FLT3: variants seen among roughly 807,000 people sequenced by gnomAD.
The protein encoded by FLT3 is fms related receptor tyrosine kinase 3.
FLT3 carries 46 observed loss-of-function variants against 126.6 expected under a neutral mutation model. That is an observed-to-expected ratio of 0.36 (90% confidence interval 0.29 to 0.46). FLT3 has a LOEUF of 0.46. FLT3 is among the 20% of genes least tolerant of loss of function. The pLI is 1.00. For synonymous variants in FLT3, 404 were observed against 434.4 expected (o/e 0.93, Z 0.87); for missense variants, 1,069 against 1,190.3 (o/e 0.90, Z 1.50).
At chr13:28,088,419 C>G (rs1340641625) in intron 1 of FLT3, among the ~76,000 whole-genome samples, 1 of 151,948 alleles carries the variant, frequency 6.6e-6, no homozygotes, top group Non-Finnish European at 1.5e-5. Context: ...TCCCAAGTAG[C>G]TGGAATTACA....
At chr13:28,084,037 A>T (rs1342432474) in intron 1 of FLT3, among the ~76,000 whole-genome samples, 5 of 150,676 alleles carry the variant, frequency 3.3e-5, no homozygotes, top group African/African-American at 4.9e-5. Context: ...TCTTTTTTTT[A>T]AAAGAAATGG....
intron 10 of FLT3, among the ~76,000 whole-genome samples, chr13:28,036,899 C>A (rs1222991175): frequency 2.0e-5 from 3 of 152,146 alleles, no homozygotes; most frequent in African/African-American, 7.2e-5. Context: ...TCACTTGAGC[C>A]CAGGAGTTTG....
At chr13:28,021,811 T>C (rs551522501) in intron 19 of FLT3, among the ~76,000 whole-genome samples, 1 of 151,834 alleles carries the variant, frequency 6.6e-6, no homozygotes, top group South Asian at 2.1e-4. Flanking sequence ...GGCGCCATCT[T>C]GGCTCACTGC....
chr13:28,032,833 A>G (rs535742379), intron 15 of FLT3, among the ~76,000 whole-genome samples: 3 of 152,356 alleles, frequency 2.0e-5, no homozygotes, highest in African/African-American at 4.8e-5. Flanking sequence ...TTCATGCTGA[A>G]CAATCAAGTA....
Position 28,028,293 on chromosome 13 carries a change from CAAAG to C in FLT3, c.1943-9_1943-6del. 2 of 1,448,044 alleles carry C rather than the reference CAAAG, an allele frequency of 1.4e-6. No individual in the cohort carries two copies. The highest frequency in any genetic ancestry group is 1.9e-6 in the Non-Finnish European group (2 of 1,029,932). 89.7% of individuals were successfully genotyped at this position (1,448,044 alleles called of 1,614,324 possible). A position where few individuals can be genotyped will look rare whatever the true frequency, so the allele number is the denominator to read the frequency against. On this transcript the variant is annotated splice_region_variant and splice_polypyrimidine_tract_variant and intron_variant, in intron 15 of 23. Coordinates refer to ENST00000241453, the MANE Select transcript of FLT3 (RefSeq NM_004119.3). ...TTTCAGAGCTGTCTGCTTTTTCTGT[CAAAG>C]AAAGGAGCATTAAAAATGTAAAACT...
At chr13:28,040,248 G>A (rs1179701351) in intron 9 of FLT3, among the ~76,000 whole-genome samples, 9 of 152,162 alleles carry the variant, frequency 5.9e-5, no homozygotes, top group Non-Finnish European at 1.0e-4. Flanking sequence ...TTCTGTGATA[G>A]GAGAAGTAAA....
At chr13:28,092,517 C>T (rs1295654798) in intron 1 of FLT3, among the ~76,000 whole-genome samples, 1 of 152,076 alleles carries the variant, frequency 6.6e-6, no homozygotes, top group African/African-American at 2.4e-5. Flanking sequence ...CAGGTGCACA[C>T]CACCATGCTC....
chr13:28,055,784 TAAAAGGAGAGAA>T (rs2137750886), intron 4 of FLT3, among the ~76,000 whole-genome samples: 1 of 152,188 alleles, frequency 6.6e-6, no homozygotes, highest in African/African-American at 2.4e-5. Context: ...AAGAAAATTT[TAAAAGGAGAGAA>T]AAAAGGAGAA....
chr13:28,018,968 CTT>C (rs371765349), intron 19 of FLT3, among the ~76,000 whole-genome samples: 11,536 of 138,410 alleles, frequency 0.083, 1,189 homozygotes, highest in African/African-American at 0.25. Context: ...CATCTCTTTT[CTT>C]TTTTTTTTTT....
intron 1 of FLT3, among the ~76,000 whole-genome samples, chr13:28,077,293 G>A (rs1042756457): frequency 1.3e-5 from 2 of 151,434 alleles, no homozygotes; most frequent in African/African-American, 2.4e-5. Flanking sequence ...CCAAGACTGG[G>A]AAGAAAAAGA....
intron 4 of FLT3, 117 bp downstream of exon 4, chr13:28,057,230 G>A (rs1876094210): frequency 1.6e-5 from 11 of 669,950 alleles, no homozygotes; most frequent in Non-Finnish European, 2.7e-5. Flanking sequence ...ATCCAACTAC[G>A]TATCAAGGGA....
At chr13:28,012,822 A>T (rs1294561437) in intron 23 of FLT3, among the ~76,000 whole-genome samples, 1 of 152,064 alleles carries the variant, frequency 6.6e-6, no homozygotes, top group Non-Finnish European at 1.5e-5. Flanking sequence ...CTGTGGTCCC[A>T]GCTACTTGGG....
At chr13:28,044,695 A>G (rs1874703122) in intron 9 of FLT3, among the ~76,000 whole-genome samples, 1 of 152,150 alleles carries the variant, frequency 6.6e-6, no homozygotes, top group Non-Finnish European at 1.5e-5. Context: ...CACCTGGTAC[A>G]TTATCAGTAC....
intron 1 of FLT3, among the ~76,000 whole-genome samples, chr13:28,075,429 T>C (rs1877860768): frequency 6.6e-6 from 1 of 151,970 alleles, no homozygotes. Context: ...CAATAAAAAA[T>C]AGATGCATCA....
intron 1 of FLT3, among the ~76,000 whole-genome samples, chr13:28,074,100 G>T (rs1034631713): frequency 6.6e-6 from 1 of 152,050 alleles, no homozygotes. Flanking sequence ...TCTATTTTCT[G>T]TAATTATAGA....
At chr13:28,023,225 C>A in intron 19 of FLT3, 125 bp downstream of exon 19, 4 of 983,228 alleles carry the variant, frequency 4.1e-6, no homozygotes, top group Non-Finnish European at 6.0e-6. Context: ...TAGGTGACTC[C>A]AACAGTGAAC....
intron 3 of FLT3, among the ~76,000 whole-genome samples, chr13:28,058,514 AAAAAT>A (rs745452864): frequency 1.3e-5 from 2 of 152,152 alleles, no homozygotes; most frequent in Non-Finnish European, 2.9e-5. Context: ...CTCCATCTCA[AAAAAT>A]AAAATAAAAT....
At chr13:28,062,221 T>C in intron 2 of FLT3, 152 bp from the exon 3 acceptor site, 1 of 608,816 alleles carries the variant, frequency 1.6e-6, no homozygotes, top group Non-Finnish European at 2.9e-6. Context: ...CGTTGCCGAC[T>C]GAAGGTCCTA....
intron 3 of FLT3, among the ~76,000 whole-genome samples, chr13:28,058,917 G>A (rs1467811735): frequency 6.6e-6 from 1 of 152,182 alleles, no homozygotes; most frequent in Non-Finnish European, 1.5e-5. Flanking sequence ...CGAGGTAGGA[G>A]GATCACTTGA....
Sources: allele counts gnomAD v4.1 joint callset (sites outside exome capture counted in the v4.1 genomes callset), GRCh38; gene constraint gnomAD v4.1.1; transcripts MANE v1.5; gene names NCBI Gene and HGNC (gene_info 2026-07-23, HGNC 2026-07-21).